MEF2A: variants seen among roughly 807,000 people sequenced by gnomAD.
MEF2A encodes myocyte-specific enhancer factor 2A.
Under a neutral mutation model 55.8 loss-of-function variants are expected in MEF2A, and 28 were observed. That is an observed-to-expected ratio of 0.50 (90% confidence interval 0.37 to 0.69). MEF2A has a LOEUF of 0.69. MEF2A is among the 30% of genes least tolerant of loss of function. MEF2A has a pLI of 0.00. For missense variants in MEF2A, 528 were observed against 626.2 expected, an observed-to-expected ratio of 0.84 and a Z score of 1.67; for synonymous variants, 239 against 227.1, an observed-to-expected ratio of 1.05 and a Z score of -0.47.
intron 4 of MEF2A, among the ~76,000 whole-genome samples, chr15:99,656,941 C>G (rs1343750243): frequency 1.3e-5 from 2 of 152,034 alleles, no homozygotes; most frequent in South Asian, 4.1e-4. Flanking sequence ...AAACCCAGTA[C>G]CCATTAGCAA....
chr15:99,602,653 G>GTGTGTGTGTGT (rs1555454715), intron 2 of MEF2A, among the ~76,000 whole-genome samples: 6 of 44,842 alleles, frequency 1.3e-4, no homozygotes, highest in East Asian at 8.7e-4. Flanking sequence ...ACATTCCTGG[G>GTGTGTGTGTGT]GTGTGTGTGT....
chr15:99,699,314 AAAAG>A lies in MEF2A; in HGVS notation c.859-4045_859-4042del, dbSNP rs529873458. Among the ~76,000 whole-genome samples, 49 of 152,244 alleles carry A rather than the reference AAAAG, an allele frequency of 3.2e-4. 3 individuals are homozygous for A. The highest frequency in any genetic ancestry group is 8.8e-5 in the Non-Finnish European group (6 of 68,048). On this transcript the variant is annotated intron_variant, in intron 8 of 11. Transcript: ENST00000557942. ...GAATCCTAAGTGAATTTTGCTAAGT[AAAAG>A]AAGCAGTAGTGTATGATTCCATTTA...
At chr15:99,575,236 A>G (rs1963902282) in intron 1 of MEF2A, among the ~76,000 whole-genome samples, 1 of 152,086 alleles carries the variant, frequency 6.6e-6, no homozygotes. Flanking sequence ...TCATGTTGAA[A>G]TTTTTCCCAT....
At chr15:99,569,281 A>G (rs1293352321) in intron 1 of MEF2A, among the ~76,000 whole-genome samples, 1 of 152,236 alleles carries the variant, frequency 6.6e-6, no homozygotes, top group African/African-American at 2.4e-5. Context: ...ATGTGCGAAA[A>G]TGCGTATTGC....
rs547869834 is a variant in MEF2A, at chr15:99,571,947, C to G, written c.-225+5843C>G. On this transcript the variant is annotated intron_variant, in intron 1 of 11. Transcript: ENST00000557942. Reference sequence around the variant, plus strand: ...CACCTCTTTATTTGAAGCCATCATTCTCTTGCATGAAGTACTGCAGTAATT... The same window carrying G: ...CACCTCTTTATTTGAAGCCATCATTGTCTTGCATGAAGTACTGCAGTAATT... 2.0e-5 allele frequency among the ~76,000 whole-genome samples: 3 copies of G among 151,968 alleles called. No individual in the cohort carries two copies. In the South Asian group the frequency reaches 6.2e-4, roughly 31 times the overall value.
chr15:99,703,401 T>C lies in MEF2A; in HGVS notation c.882+16T>C. The stretch of plus-strand genomic sequence containing the variant: ...ATTGGAGTTGGTGAGTGTGGGTTTC[T>C]GCTTGAAGGAAGTTGAAAAAGATGT... On this transcript the variant is annotated intron_variant, in intron 9 of 11. Transcript: ENST00000557942. 6.3e-7 allele frequency: 1 copy of C among 1,594,712 alleles called. No homozygotes were observed. Among genetic ancestry groups the C allele is most frequent in the Non-Finnish European group, 8.5e-7 (1 of 1,173,086 alleles).
chr15:99,691,523 C>A (rs922430218), intron 8 of MEF2A, among the ~76,000 whole-genome samples: 3 of 151,992 alleles, frequency 2.0e-5, no homozygotes, highest in African/African-American at 7.3e-5. Flanking sequence ...CATGGTGAAA[C>A]CCCATCTCTA....
chr15:99,640,026 T>G (rs189418655), intron 3 of MEF2A, among the ~76,000 whole-genome samples: 1 of 152,338 alleles, frequency 6.6e-6, no homozygotes, highest in Non-Finnish European at 1.5e-5. Context: ...TGCCCTTATT[T>G]CAGTAGATTG....
At chr15:99,667,829 A>C (rs934939871) in intron 4 of MEF2A, among the ~76,000 whole-genome samples, 1 of 152,256 alleles carries the variant, frequency 6.6e-6, no homozygotes, top group East Asian at 1.9e-4. Context: ...AGAGTTGGAA[A>C]ATAGCTCAGA....
intron 9 of MEF2A, 151 bp from the exon 10 acceptor site, chr15:99,706,578 C>A: frequency 2.7e-6 from 2 of 730,874 alleles, no homozygotes; most frequent in Non-Finnish European, 4.5e-6. Context: ...TTTAGTTATT[C>A]TCACTAGTAT....
chr15:99,665,503 G>A (rs2862869), intron 4 of MEF2A, among the ~76,000 whole-genome samples: 97,426 of 151,530 alleles, frequency 0.64, 34,915 homozygotes, highest in Middle Eastern at 0.86. Context: ...AAGTAGTACC[G>A]TTCAGGACAT....
At chr15:99,679,662 G>A (rs1375479819) in intron 7 of MEF2A, among the ~76,000 whole-genome samples, 3 of 152,180 alleles carry the variant, frequency 2.0e-5, no homozygotes, top group Non-Finnish European at 2.9e-5. Context: ...TGGGGTTCTG[G>A]CAGTATTCTT....
intron 4 of MEF2A, among the ~76,000 whole-genome samples, chr15:99,653,703 T>C (rs2047225040): frequency 6.6e-6 from 1 of 152,204 alleles, no homozygotes; most frequent in Non-Finnish European, 1.5e-5. Context: ...CCATATTGTT[T>C]TTAAAATGTT....
chr15:99,611,639 T>C (rs1202961138), intron 2 of MEF2A, among the ~76,000 whole-genome samples: 1 of 152,244 alleles, frequency 6.6e-6, no homozygotes, highest in Non-Finnish European at 1.5e-5. Flanking sequence ...TAAATGTTGT[T>C]ACCATATGAC....
intron 10 of MEF2A, among the ~76,000 whole-genome samples, chr15:99,710,296 G>A (rs2058489601): frequency 6.6e-6 from 1 of 152,118 alleles, no homozygotes; most frequent in South Asian, 2.1e-4. Context: ...TGGATGGAGT[G>A]CAGTGGTGCT....
intron 5 of MEF2A, chr15:99,671,683 T>C: frequency 6.5e-7 from 1 of 1,535,868 alleles, no homozygotes; most frequent in Non-Finnish European, 8.7e-7. Flanking sequence ...TGGTTTGTGC[T>C]TTTATCTTGT....
rs981682464 is a variant in MEF2A at position 99,713,299 on chromosome 15, G to T, written c.*528G>T. On this transcript the variant is annotated 3_prime_UTR_variant, in exon 12 of 12. Transcript: ENST00000557942. ...TGGCATGGGTGTCTGTTGCAAAGGG[G>T]TGCATGGGAAAGGGCTGTTGATATT... The T allele has an allele frequency of 3.4e-5, 11 of 326,952 alleles. No individual in the cohort carries two copies. The highest frequency in any genetic ancestry group is 8.1e-4 in the Middle Eastern group (1 of 1,240). The allele number at this position is 326,952 out of a possible 1,614,324, so 20.3% of individuals were successfully genotyped here.
rs3138597 is a variant in MEF2A, at chr15:99,712,504, C to CCAGCAGCAGCAG, written c.1274_1285dup (p.Gln425_Gln428dup). The CCAGCAGCAGCAG allele has an allele frequency of 9.2e-5, 141 of 1,531,532 alleles. No individual in the cohort carries two copies. The East Asian group carries it at 1.8e-3, about 19-fold the overall frequency. The allele number at this position is 1,531,532 out of a possible 1,614,324, so 94.9% of individuals were successfully genotyped here. On this transcript the variant is annotated inframe_insertion, in exon 12 of 12. Coordinates refer to ENST00000557942, the MANE Select transcript of MEF2A (RefSeq NM_001319206.4). The surrounding 1 kb of genome is among the most constrained non-coding windows in gnomAD (Gnocchi z 4.1). ...GGGATCGTATGACCCCATCGGGCTT[C>CCAGCAGCAGCAG]CAGCAGCAGCAGCAGCAGCAGCAGC...
At chr15:99,669,227 CTAAT>C (rs759604144) in intron 4 of MEF2A, among the ~76,000 whole-genome samples, 23 of 152,082 alleles carry the variant, frequency 1.5e-4, no homozygotes, top group African/African-American at 4.1e-4. Flanking sequence ...AAGAGCAAGA[CTAAT>C]TAACTAGTCT....
Sources: allele counts gnomAD v4.1 joint callset (sites outside exome capture counted in the v4.1 genomes callset), GRCh38; gene constraint gnomAD v4.1.1; non-coding constraint Gnocchi (gnomAD v3.1); transcripts MANE v1.5; gene names NCBI Gene and HGNC (gene_info 2026-07-23, HGNC 2026-07-21).